REPS2: variants seen among roughly 807,000 people sequenced by gnomAD.
REPS2 encodes the protein RALBP1 associated Eps domain containing 2.
REPS2 carries 23 observed loss-of-function variants against 53.6 expected under a neutral mutation model. The ratio of observed to expected loss-of-function variants is 0.43; its 90% CI spans 0.31 to 0.61. REPS2 has a LOEUF of 0.61. Ranked by LOEUF, REPS2 falls within the 20% of genes least tolerant of loss-of-function variation. The pLI is 0.11. For synonymous variants in REPS2, 238 were observed against 218.6 expected (o/e 1.09, Z -0.78); for missense variants, 446 against 534.9 (o/e 0.83, Z 1.64).
chrX:17,135,387 C>A lies in REPS2; in HGVS notation c.1789C>A (p.Pro597Thr). ...SGPASAATMK[P>T]HPTVQKQSSK... The stretch of plus-strand genomic sequence containing the variant: ...GCCAGCTTCTGCGGCAACCATGAAA[C>A]CGCATCCAACAGTCCAAAAGTAAGT... The change falls in exon 16 of 18, where the codon CCG becomes ACG. Residue 597 changes from proline (P) to threonine (T), a missense_variant. Physicochemically the swap from Pro to Thr is conservative, Grantham distance 38 (BLOSUM62 -1). Coordinates refer to ENST00000357277, the MANE Select transcript of REPS2 (RefSeq NM_004726.3). The A allele has an allele frequency of 2.5e-6, 3 of 1,209,273 alleles. No homozygotes were observed. Among genetic ancestry groups the A allele is most frequent in the Non-Finnish European group, 2.2e-6 (2 of 894,895 alleles).
At chrX:17,173,360 T>C in the REPS2 span, among the ~76,000 whole-genome samples, 59 of 112,433 alleles carry the variant, frequency 5.2e-4, no homozygotes, top group African/African-American at 1.9e-3. Context: ...TCTTCCCGGC[T>C]GTTGAATGGA....
At chrX:17,009,760 A>G (rs2061406632) in intron 2 of REPS2, among the ~76,000 whole-genome samples, 1 of 111,473 alleles carries the variant, frequency 9.0e-6, no homozygotes, top group Non-Finnish European at 1.9e-5. Flanking sequence ...AATACACAGC[A>G]GATTATTCCA....
chrX:17,116,515 T>C (rs1411696512), intron 14 of REPS2, among the ~76,000 whole-genome samples: 1 of 112,051 alleles, frequency 8.9e-6, no homozygotes, highest in Non-Finnish European at 1.9e-5. Flanking sequence ...CTTGTCACTT[T>C]CATCTATTTA....
At chrX:17,169,831 G>A in the REPS2 span, among the ~76,000 whole-genome samples, 2 of 112,172 alleles carry the variant, frequency 1.8e-5, no homozygotes, top group Non-Finnish European at 3.8e-5. Flanking sequence ...CACATGACTA[G>A]TTCTCTCCAG....
intron 1 of REPS2, among the ~76,000 whole-genome samples, chrX:16,981,155 G>A (rs2061015375): frequency 8.9e-6 from 1 of 111,793 alleles, no homozygotes; most frequent in Admixed American, 9.5e-5. Flanking sequence ...TGTTCTTGCA[G>A]AAATTTCCCT....
At chrX:17,045,459 T>C (rs1474636610) in intron 5 of REPS2, among the ~76,000 whole-genome samples, 3 of 110,627 alleles carry the variant, frequency 2.7e-5, no homozygotes, top group Non-Finnish European at 5.7e-5. Flanking sequence ...CTTGAGGTGC[T>C]CAAACAAGTA....
chrX:17,117,066 A>G (rs1168871809), intron 14 of REPS2, among the ~76,000 whole-genome samples: 1 of 111,271 alleles, frequency 9.0e-6, no homozygotes, highest in Non-Finnish European at 1.9e-5. Flanking sequence ...GGTCTTGTAG[A>G]TGGCACCCAA....
chrX:17,025,937 C>T (rs746064741), intron 4 of REPS2, among the ~76,000 whole-genome samples: 121 of 111,247 alleles, frequency 1.1e-3, no homozygotes, highest in Middle Eastern at 4.6e-3. Context: ...AAACCCCCAC[C>T]CCCCCAGTTT....
chrX:17,033,663 C>T (rs989003477), intron 5 of REPS2, among the ~76,000 whole-genome samples: 1 of 112,531 alleles, frequency 8.9e-6, no homozygotes, highest in African/African-American at 3.2e-5. Flanking sequence ...ATCCTTTTCA[C>T]TGATTGTATT....
intron 5 of REPS2, among the ~76,000 whole-genome samples, chrX:17,041,760 C>T (rs998148948): frequency 2.7e-5 from 3 of 111,784 alleles, no homozygotes; most frequent in African/African-American, 6.5e-5. Flanking sequence ...AGGATGCCTT[C>T]GGGGTAGGTT....
Position 17,029,574 on chromosome X carries a change from C to T in REPS2, c.722C>T (p.Ser241Leu), listed in dbSNP as rs149335477. ...QPLVQPEGSS[S>L]GGPGTKPLRH... The stretch of plus-strand genomic sequence containing the variant: ...CTTGTCCAGCCCGAGGGATCCTCAT[C>T]AGGGGGCCCAGGAACCAAGCCCCTT... The change falls in exon 5 of 18, where the codon TCA becomes TTA. Residue 241 changes from serine (S) to leucine (L), a missense_variant. By Grantham distance (145) the Ser-to-Leu change is moderately radical. Coordinates refer to ENST00000357277, the MANE Select transcript of REPS2 (RefSeq NM_004726.3). The T allele has an allele frequency of 6.7e-5, 81 of 1,209,461 alleles. No individual in the cohort carries two copies. In the African/African-American group the frequency reaches 1.4e-3, roughly 21 times the overall value.
At chrX:17,128,831 T>C (rs945490673) in intron 14 of REPS2, among the ~76,000 whole-genome samples, 1 of 112,043 alleles carries the variant, frequency 8.9e-6, no homozygotes, top group African/African-American at 3.2e-5. Context: ...AGTGAAAGTA[T>C]ATTTGCCATT....
chrX:17,021,875 C>A (rs1365420548), intron 2 of REPS2, among the ~76,000 whole-genome samples: 2 of 112,155 alleles, frequency 1.8e-5, no homozygotes, highest in Non-Finnish European at 1.9e-5. Context: ...AGATCAGTCC[C>A]AAATCTGAAT....
chrX:17,092,391 C>A (rs2062627886), intron 13 of REPS2, among the ~76,000 whole-genome samples: 1 of 111,660 alleles, frequency 9.0e-6, no homozygotes, highest in African/African-American at 3.3e-5. Flanking sequence ...GCATGTCTTT[C>A]AATAAACTTA....
In REPS2 at chrX:17,103,740, C is replaced by T. The variant is rs147763878; in HGVS notation, c.1539C>T (p.Pro513=). Residue 513 remains proline (P), a synonymous_variant, in exon 14 of 18, where the codon CCC becomes CCT. Transcript: ENST00000357277. ...SVPATKSGLL[P]PPPALPPRPC... Reference sequence around the variant, plus strand: ...CAGCTACCAAGTCAGGATTGTTACCCCCACCACCTGCGCTCCCTCCAAGAC... The same window carrying T: ...CAGCTACCAAGTCAGGATTGTTACCTCCACCACCTGCGCTCCCTCCAAGAC... The T allele has an allele frequency of 2.5e-4, 305 of 1,208,327 alleles. No individual in the cohort carries two copies. In the African/African-American group the frequency reaches 4.7e-3, roughly 19 times the overall value.
chrX:17,037,151 C>G (rs2061776135), intron 5 of REPS2, among the ~76,000 whole-genome samples: 1 of 111,324 alleles, frequency 9.0e-6, no homozygotes, highest in African/African-American at 3.3e-5. Context: ...TTGTAGTTCT[C>G]TTTCTGATTT....
chrX:16,992,197 C>A (rs143986931), intron 1 of REPS2, among the ~76,000 whole-genome samples: 95 of 110,471 alleles, frequency 8.6e-4, no homozygotes, highest in African/African-American at 2.8e-3. Flanking sequence ...GATTAGTGTT[C>A]CTAGAAAAGA....
chrX:17,019,106 C>T (rs1204887233), intron 2 of REPS2, among the ~76,000 whole-genome samples: 3 of 111,669 alleles, frequency 2.7e-5, no homozygotes, highest in African/African-American at 9.8e-5. Flanking sequence ...CACTCCCAGC[C>T]TAAAGTATTC....
chrX:17,043,617 C>T (rs754886630), intron 5 of REPS2, among the ~76,000 whole-genome samples: 1 of 111,625 alleles, frequency 9.0e-6, no homozygotes, highest in Admixed American at 9.5e-5. Context: ...TATACTACAG[C>T]CCCACTGAGC....
Sources: gnomAD v4.1 joint callset for allele counts (sites outside exome capture counted in the v4.1 genomes callset) on GRCh38, gnomAD v4.1.1 for gene constraint, MANE v1.5 for transcripts, NCBI Gene and HGNC (gene_info 2026-07-23, HGNC 2026-07-21) for gene names.